The following ERC2 variants were observed in gnomAD, a reference collection of about 807,000 sequenced individuals.
ERC2 encodes ELKS/RAB6-interacting/CAST family member 2, also known as ERC protein 2.
Under a neutral mutation model 114.8 loss-of-function variants are expected in ERC2, and 42 were observed. The ratio of observed to expected loss-of-function variants is 0.37; its 90% CI spans 0.29 to 0.47. The LOEUF is 0.47. Ranked by LOEUF, ERC2 falls within the 20% of genes least tolerant of loss-of-function variation. ERC2 has a pLI of 0.99. For synonymous variants in ERC2, 454 were observed against 425.5 expected, an observed-to-expected ratio of 1.07 and a Z score of -0.82; for missense variants, 939 against 1,150.7, an observed-to-expected ratio of 0.82 and a Z score of 2.66.
At chr3:56,125,472 G>A (rs907448853) in intron 6 of ERC2, among the ~76,000 whole-genome samples, 1 of 152,168 alleles carries the variant, frequency 6.6e-6, no homozygotes, top group African/African-American at 2.4e-5. Context: ...GCACTTCCAG[G>A]GAAGTTATCA....
chr3:55,699,274 C>G, intron 16 of ERC2, 104 bp downstream of exon 16: 1 of 1,411,936 alleles, frequency 7.1e-7, no homozygotes, highest in South Asian at 1.2e-5. Context: ...GTTCAAAGAA[C>G]GTATCACTTT....
intron 2 of ERC2, among the ~76,000 whole-genome samples, chr3:56,361,950 G>C (rs764820392): frequency 6.6e-6 from 1 of 152,112 alleles, no homozygotes; most frequent in Non-Finnish European, 1.5e-5. Context: ...CTCATACTTA[G>C]GAATCAAATG....
intron 3 of ERC2, among the ~76,000 whole-genome samples, chr3:56,184,078 T>C (rs906251968): frequency 5.3e-5 from 8 of 152,168 alleles, no homozygotes; most frequent in Non-Finnish European, 1.2e-4. Flanking sequence ...TCTCTGTGCA[T>C]GTACATTTTT....
intron 1 of ERC2, among the ~76,000 whole-genome samples, chr3:56,464,407 C>T (rs181022372): frequency 1.1e-3 from 172 of 152,364 alleles, no homozygotes; most frequent in African/African-American, 4.1e-3. Flanking sequence ...ACCCAACCCA[C>T]AGCCTCTACA....
chr3:56,177,254 T>C (rs998169281), intron 3 of ERC2, among the ~76,000 whole-genome samples: 2 of 152,226 alleles, frequency 1.3e-5, no homozygotes, highest in Non-Finnish European at 1.5e-5. Context: ...AAAGTGATTT[T>C]AACGTGTGAT....
chr3:56,415,901 T>C (rs1192150993), intron 2 of ERC2, among the ~76,000 whole-genome samples: 2 of 152,192 alleles, frequency 1.3e-5, no homozygotes, highest in African/African-American at 4.8e-5. Flanking sequence ...TGCCTCACCC[T>C]GGCCCCATGC....
At chr3:55,783,408 A>G (rs2069221760) in intron 14 of ERC2, among the ~76,000 whole-genome samples, 1 of 152,182 alleles carries the variant, frequency 6.6e-6, no homozygotes, top group Non-Finnish European at 1.5e-5. Context: ...CTAGATTGTT[A>G]TTTTTTAAAC....
intron 14 of ERC2, among the ~76,000 whole-genome samples, chr3:55,845,373 G>A (rs547283810): frequency 4.2e-4 from 63 of 151,262 alleles, no homozygotes; most frequent in African/African-American, 1.3e-3. Context: ...GCGTAGTGGC[G>A]GGCGCCTGTA....
At chr3:56,438,556 T>C (rs1421086949) in intron 1 of ERC2, among the ~76,000 whole-genome samples, 1 of 151,384 alleles carries the variant, frequency 6.6e-6, no homozygotes, top group East Asian at 1.9e-4. Flanking sequence ...TGATATATAC[T>C]TTTTTCATTA....
chr3:55,627,228 G>C (rs2059553655), intron 17 of ERC2, among the ~76,000 whole-genome samples: 2 of 152,182 alleles, frequency 1.3e-5, no homozygotes. Context: ...AGCAATTTAG[G>C]AGGCCAAGGC....
At chr3:55,768,563 GTATACTTTAGC>G (rs1476363261) in intron 14 of ERC2, among the ~76,000 whole-genome samples, 1 of 152,212 alleles carries the variant, frequency 6.6e-6, no homozygotes, top group Non-Finnish European at 1.5e-5. Flanking sequence ...AGGGGAGAGG[GTATACTTTAGC>G]TAGGCCTTCC....
intron 17 of ERC2, among the ~76,000 whole-genome samples, chr3:55,681,927 GAAACACA>G (rs1285686091): frequency 6.6e-6 from 1 of 152,110 alleles, no homozygotes; most frequent in African/African-American, 2.4e-5. Flanking sequence ...TATTCAGGAG[GAAACACA>G]AGTGCAGCCT....
chr3:55,942,455 A>T (rs1576298270), intron 13 of ERC2, among the ~76,000 whole-genome samples: 1 of 135,764 alleles, frequency 7.4e-6, no homozygotes, highest in African/African-American at 2.7e-5. Flanking sequence ...CGCCCGGCTA[A>T]TTTTTTTTTT....
At chr3:56,344,082 C>A (rs1225101058) in intron 2 of ERC2, among the ~76,000 whole-genome samples, 1 of 152,080 alleles carries the variant, frequency 6.6e-6, no homozygotes, top group Non-Finnish European at 1.5e-5. Flanking sequence ...GAGAGGCAGA[C>A]GGATGTTTCA....
chr3:56,290,404 A>AAGCAATT (rs2055006388), intron 3 of ERC2, among the ~76,000 whole-genome samples: 1 of 152,270 alleles, frequency 6.6e-6, no homozygotes, highest in Non-Finnish European at 1.5e-5. Flanking sequence ...GTATTAAAAT[A>AAGCAATT]GGGAGCAATT....
intron 13 of ERC2, among the ~76,000 whole-genome samples, chr3:55,891,717 T>C (rs1179552186): frequency 2.0e-5 from 3 of 152,118 alleles, no homozygotes; most frequent in Non-Finnish European, 4.4e-5. Context: ...AGTGCTGGGA[T>C]TACAGGCATG....
At chr3:55,747,020 A>G (rs1488245037) in intron 14 of ERC2, among the ~76,000 whole-genome samples, 1 of 152,182 alleles carries the variant, frequency 6.6e-6, no homozygotes, top group Non-Finnish European at 1.5e-5. Flanking sequence ...ATTGCAATAA[A>G]TATTGCCCTT....
chr3:55,750,823 GC>G (rs2066653156), intron 14 of ERC2, among the ~76,000 whole-genome samples: 1 of 152,210 alleles, frequency 6.6e-6, no homozygotes, highest in Admixed American at 6.5e-5. Context: ...TTTCACGCAT[GC>G]CCGCATGCAC....
At chr3:56,249,579 G>A (rs1195344488) in intron 3 of ERC2, among the ~76,000 whole-genome samples, 2 of 152,024 alleles carry the variant, frequency 1.3e-5, no homozygotes, top group African/African-American at 4.8e-5. Flanking sequence ...GCCAGCCTCG[G>A]CCTCCCAAAG....
Sources: gnomAD v4.1 joint callset for allele counts (sites outside exome capture counted in the v4.1 genomes callset) on GRCh38, gnomAD v4.1.1 for gene constraint, MANE v1.5 for transcripts, NCBI Gene and HGNC (gene_info 2026-07-23, HGNC 2026-07-21) for gene names.